The following NEGR1 variants were observed in gnomAD, a reference collection of about 807,000 sequenced individuals.
NEGR1 encodes neuronal growth regulator 1, also known as IgLON family member 4.
Under a neutral mutation model 40.9 loss-of-function variants are expected in NEGR1, and 10 were observed. That is an observed-to-expected ratio of 0.24 (90% CI 0.15 to 0.42). The LOEUF (loss-of-function observed/expected upper bound fraction) is 0.42, where lower values mean the gene tolerates loss of function less well. Ranked by LOEUF, NEGR1 falls within the 10% of genes least tolerant of loss-of-function variation. The probability of loss-of-function intolerance (pLI) is 1.00; values close to 1 mark genes in which losing one functional copy is unlikely to be tolerated. For synonymous variants in NEGR1, 185 were observed against 166.8 expected (o/e 1.11, Z -0.84); for missense variants, 352 against 438.9 (o/e 0.80, Z 1.77).
intron 1 of NEGR1, among the ~76,000 whole-genome samples, chr1:72,157,023 T>C (rs1651385516): frequency 6.6e-6 from 1 of 152,034 alleles, no homozygotes; most frequent in African/African-American, 2.4e-5. Context: ...AAGGCAGTGG[T>C]ACAATCCTAG....
intron 2 of NEGR1, among the ~76,000 whole-genome samples, chr1:71,814,024 C>T (rs372455764): frequency 2.3e-4 from 35 of 152,198 alleles, no homozygotes; most frequent in African/African-American, 7.9e-4. Context: ...AAGGGGAATG[C>T]TTCCAGCTTT....
intron 1 of NEGR1, among the ~76,000 whole-genome samples, chr1:72,020,248 G>A (rs902029587): frequency 4.6e-5 from 7 of 152,100 alleles, no homozygotes; most frequent in East Asian, 1.9e-4. Context: ...CCTGAACCAC[G>A]AGAGGTAAAT....
intron 1 of NEGR1, among the ~76,000 whole-genome samples, chr1:72,076,055 T>A (rs966816721): frequency 1.1e-4 from 16 of 152,198 alleles, no homozygotes; most frequent in African/African-American, 3.9e-4. Context: ...AGAAGCTGTT[T>A]ATAAATATCG....
intron 6 of NEGR1, among the ~76,000 whole-genome samples, chr1:71,586,737 T>C (rs1305278352): frequency 6.6e-6 from 1 of 152,116 alleles, no homozygotes; most frequent in Non-Finnish European, 1.5e-5. Flanking sequence ...GGTATGAGAT[T>C]GAAGAGGTAA....
At chr1:71,665,831 A>G (rs1226258819) in intron 4 of NEGR1, among the ~76,000 whole-genome samples, 3 of 152,186 alleles carry the variant, frequency 2.0e-5, no homozygotes, top group African/African-American at 7.2e-5. Flanking sequence ...CACGTGTTCC[A>G]TACCTCCTAT....
At position 71,682,789 on chromosome 1, in the gene NEGR1, T is replaced by G. The variant is rs549997554; in HGVS notation, c.667+15219A>C. Among the ~76,000 whole-genome samples, 16 of 152,284 alleles carry G rather than the reference T, an allele frequency of 1.1e-4. 1 individual carries two copies. The South Asian group carries it at 2.7e-3, about 26-fold the overall frequency. On this transcript the variant is annotated intron_variant, in intron 4 of 6. Coordinates refer to ENST00000357731, the MANE Select transcript of NEGR1 (RefSeq NM_173808.3). ...GGCTTTCATGAAGGGCTTGGTACCT[T>G]CCTCTTGGCAATGAGTGAGTTATTA...
intron 1 of NEGR1, among the ~76,000 whole-genome samples, chr1:72,092,510 T>A (rs1416337860): frequency 3.3e-5 from 5 of 152,188 alleles, no homozygotes; most frequent in Non-Finnish European, 5.9e-5. Flanking sequence ...TTTTCACTTA[T>A]CTAGCAAAGT....
At chr1:71,932,708 G>A (rs1645867059) in intron 2 of NEGR1, among the ~76,000 whole-genome samples, 1 of 151,994 alleles carries the variant, frequency 6.6e-6, no homozygotes, top group Non-Finnish European at 1.5e-5. Flanking sequence ...TCCCTCAGTT[G>A]CTAAGCTTCT....
At chr1:71,543,468 A>G (rs1259997555) in intron 6 of NEGR1, among the ~76,000 whole-genome samples, 1 of 151,750 alleles carries the variant, frequency 6.6e-6, no homozygotes, top group Non-Finnish European at 1.5e-5. Context: ...TCTGACCAAG[A>G]TATGTGCTTT....
At position 71,406,123 on chromosome 1, in the gene NEGR1, T is replaced by A. The variant is rs1200248954; in HGVS notation, c.*1323A>T. 1 of 152,016 alleles carries A rather than the reference T, an allele frequency of 6.6e-6. No individual in the cohort carries two copies. Among genetic ancestry groups the A allele is most frequent in the Non-Finnish European group, 1.5e-5 (1 of 67,872 alleles). The allele number at this position is 152,016 out of a possible 1,614,324, so 9.4% of individuals were successfully genotyped here. ...ATGTAAGGAAAAATAAAGGATGGTC[T>A]TTTTTGATTTTACTTGTTTGCACTG... On this transcript the variant is annotated 3_prime_UTR_variant, in exon 7 of 7. Coordinates refer to ENST00000357731, the MANE Select transcript of NEGR1 (RefSeq NM_173808.3).
At chr1:71,883,437 C>T (rs1163919693) in intron 2 of NEGR1, among the ~76,000 whole-genome samples, 1 of 151,736 alleles carries the variant, frequency 6.6e-6, no homozygotes, top group African/African-American at 2.4e-5. Flanking sequence ...GATTTTTTTG[C>T]TCAACAAGAA....
intron 6 of NEGR1, among the ~76,000 whole-genome samples, chr1:71,539,376 A>G (rs1290182978): frequency 6.6e-6 from 1 of 151,782 alleles, no homozygotes; most frequent in Non-Finnish European, 1.5e-5. Context: ...ACAGATTGCC[A>G]AAAAATATTT....
intron 1 of NEGR1, among the ~76,000 whole-genome samples, chr1:71,999,657 A>G (rs1483058230): frequency 3.9e-5 from 2 of 51,674 alleles, no homozygotes; most frequent in South Asian, 9.2e-4. Flanking sequence ...ATATATATAT[A>G]TATATATATA....
intron 3 of NEGR1, among the ~76,000 whole-genome samples, chr1:71,715,569 C>A (rs1357074571): frequency 6.6e-6 from 1 of 152,160 alleles, no homozygotes; most frequent in East Asian, 1.9e-4. Context: ...GCACCCAAGT[C>A]ACTCCTTGAA....
At chr1:71,469,536 G>T (rs546378944) in intron 6 of NEGR1, among the ~76,000 whole-genome samples, 1 of 152,066 alleles carries the variant, frequency 6.6e-6, no homozygotes, top group East Asian at 1.9e-4. Flanking sequence ...AAAGCAATAA[G>T]CTGAATTAGG....
intron 6 of NEGR1, among the ~76,000 whole-genome samples, chr1:71,452,306 G>A (rs1646634821): frequency 6.6e-6 from 1 of 152,056 alleles, no homozygotes; most frequent in South Asian, 2.1e-4. Flanking sequence ...ATATCTTAGG[G>A]GTTTTCTTTT....
chr1:72,068,426 T>G (rs907296275), intron 1 of NEGR1, among the ~76,000 whole-genome samples: 4 of 152,170 alleles, frequency 2.6e-5, no homozygotes, highest in African/African-American at 7.2e-5. Flanking sequence ...TAGCTCTGGA[T>G]GACCATTTCC....
At position 72,280,470 on chromosome 1, in the gene NEGR1, T is replaced by C. The variant is rs146823574; in HGVS notation, c.176+1849A>G. 1.7e-4 allele frequency among the ~76,000 whole-genome samples: 26 copies of C among 152,318 alleles called. No individual in the cohort carries two copies. In the East Asian group the frequency reaches 4.8e-3, roughly 28 times the overall value. ...GATATGTGTTTGCAATCTCTGAAGA[T>C]AGTGTCTTGCCCTTACCACTGTTGT... On this transcript the variant is annotated intron_variant, in intron 1 of 6. Coordinates refer to ENST00000357731, the MANE Select transcript of NEGR1 (RefSeq NM_173808.3).
intron 2 of NEGR1, among the ~76,000 whole-genome samples, chr1:71,865,772 C>A (rs1039387237): frequency 6.6e-6 from 1 of 152,144 alleles, no homozygotes; most frequent in Non-Finnish European, 1.5e-5. Flanking sequence ...AATGCCATTG[C>A]ATTCTATGAA....
Sources: allele counts gnomAD v4.1 joint callset (sites outside exome capture counted in the v4.1 genomes callset), GRCh38; gene constraint gnomAD v4.1.1; transcripts MANE v1.5; gene names NCBI Gene and HGNC (gene_info 2026-07-23, HGNC 2026-07-21).